The following ITGBL1 variants were observed in gnomAD, a reference collection of about 807,000 sequenced individuals.
The protein encoded by ITGBL1 is integrin subunit beta like 1, also known as integrin beta-like protein 1.
In ITGBL1, 51 loss-of-function variants were observed where a neutral mutation model predicts 68.5. That is an observed-to-expected ratio of 0.74 (90% CI 0.59 to 0.94). The LOEUF is 0.94. ITGBL1 is among the 40% of genes least tolerant of loss of function. The probability of loss-of-function intolerance (pLI) is 0.00; values close to 1 mark genes in which losing one functional copy is unlikely to be tolerated. For synonymous variants in ITGBL1, 209 were observed against 227.3 expected (o/e 0.92, Z 0.72); for missense variants, 649 against 647.4 (o/e 1.00, Z -0.03).
At chr13:101,542,509 G>T (rs1359988810) in intron 2 of ITGBL1, among the ~76,000 whole-genome samples, 1 of 152,154 alleles carries the variant, frequency 6.6e-6, no homozygotes, top group African/African-American at 2.4e-5. Flanking sequence ...GTGTGGTGTG[G>T]TGCTGAGAAT....
intron 7 of ITGBL1, among the ~76,000 whole-genome samples, chr13:101,672,897 C>A (rs2033412276): frequency 6.6e-6 from 1 of 152,198 alleles, no homozygotes; most frequent in South Asian, 2.1e-4. Context: ...TTGTAGGTTC[C>A]TCCAATCCAC....
At chr13:101,529,626 G>A (rs2049438894) in intron 2 of ITGBL1, among the ~76,000 whole-genome samples, 1 of 152,188 alleles carries the variant, frequency 6.6e-6, no homozygotes, top group Non-Finnish European at 1.5e-5. Flanking sequence ...CCCACGTGTT[G>A]AGGGAGAAAC....
At chr13:101,544,323 G>A (rs577157103) in intron 2 of ITGBL1, among the ~76,000 whole-genome samples, 1 of 152,352 alleles carries the variant, frequency 6.6e-6, no homozygotes, top group African/African-American at 2.4e-5. Flanking sequence ...GTCCACTCCA[G>A]ACCCTGTTTG....
intron 2 of ITGBL1, among the ~76,000 whole-genome samples, chr13:101,562,128 C>T (rs1312745895): frequency 1.3e-5 from 2 of 151,794 alleles, no homozygotes; most frequent in African/African-American, 4.8e-5. Flanking sequence ...TAAAGTGGTA[C>T]AATATTATTT....
chr13:101,638,332 G>A (rs150046633), intron 7 of ITGBL1, among the ~76,000 whole-genome samples: 1 of 152,086 alleles, frequency 6.6e-6, no homozygotes, highest in Admixed American at 6.6e-5. Flanking sequence ...TCAAAGGAAA[G>A]AGCATACCCT....
intron 7 of ITGBL1, among the ~76,000 whole-genome samples, chr13:101,689,617 C>CA (rs1347208082): frequency 2.6e-5 from 4 of 151,688 alleles, no homozygotes; most frequent in African/African-American, 4.8e-5. Context: ...AAAAAAAACC[C>CA]AAAAAAATAT....
intron 5 of ITGBL1, among the ~76,000 whole-genome samples, chr13:101,579,720 A>C (rs1347269460): frequency 6.6e-6 from 1 of 152,208 alleles, no homozygotes; most frequent in Non-Finnish European, 1.5e-5. Flanking sequence ...AGTGCAGCTA[A>C]AAGGCAATTC....
chr13:101,491,920 G>A (rs1177469552), intron 2 of ITGBL1, among the ~76,000 whole-genome samples: 2 of 152,072 alleles, frequency 1.3e-5, no homozygotes, highest in Non-Finnish European at 2.9e-5. Context: ...GCTGAGAATG[G>A]TGGTTTCCAC....
chr13:101,471,568 G>GTGTGTA, intron 2 of ITGBL1, among the ~76,000 whole-genome samples: 1 of 144,724 alleles, frequency 6.9e-6, no homozygotes, highest in South Asian at 2.3e-4. Context: ...GTGTGTGTGT[G>GTGTGTA]TATATATATT....
At chr13:101,595,004 T>C (rs2029881573) in intron 6 of ITGBL1, among the ~76,000 whole-genome samples, 1 of 152,078 alleles carries the variant, frequency 6.6e-6, no homozygotes, top group Non-Finnish European at 1.5e-5. Flanking sequence ...AACCTGGGAG[T>C]TGGAGATTGC....
At chr13:101,556,827 G>A (rs2050014986) in intron 2 of ITGBL1, among the ~76,000 whole-genome samples, 1 of 152,194 alleles carries the variant, frequency 6.6e-6, no homozygotes, top group African/African-American at 2.4e-5. Flanking sequence ...CCCTGGTCCT[G>A]TTCGCACCTT....
chr13:101,458,325 G>A (rs1191161191), intron 2 of ITGBL1, among the ~76,000 whole-genome samples: 1 of 152,204 alleles, frequency 6.6e-6, no homozygotes, highest in Non-Finnish European at 1.5e-5. Context: ...GGAATTCTGA[G>A]TAAGGAAAAT....
rs1401193652 is a variant in ITGBL1, at chr13:101,549,208, A to T, written c.317-18491A>T. Among the ~76,000 whole-genome samples, 4 of 152,078 alleles carry T rather than the reference A, an allele frequency of 2.6e-5. No homozygotes were observed. In the East Asian group the frequency reaches 7.7e-4, roughly 29 times the overall value. ...ACCTGTCTAGCCATATGGAAAAAAT[A>T]AATATGGACAGTAACCATATTTTAT... On this transcript the variant is annotated intron_variant, in intron 2 of 10. Coordinates refer to ENST00000376180, the MANE Select transcript of ITGBL1 (RefSeq NM_004791.3).
intron 2 of ITGBL1, among the ~76,000 whole-genome samples, chr13:101,512,294 C>G (rs2049128235): frequency 6.6e-6 from 1 of 152,044 alleles, no homozygotes; most frequent in Admixed American, 6.6e-5. Flanking sequence ...TATTCCCATT[C>G]TGGGTCCACT....
intron 7 of ITGBL1, among the ~76,000 whole-genome samples, chr13:101,651,937 C>G (rs983623021): frequency 3.3e-5 from 5 of 152,030 alleles, no homozygotes; most frequent in Non-Finnish European, 5.9e-5. Flanking sequence ...AGTTCTTTCC[C>G]CATTGCTTGT....
At chr13:101,589,779 T>C (rs905778595) in intron 6 of ITGBL1, among the ~76,000 whole-genome samples, 1 of 152,196 alleles carries the variant, frequency 6.6e-6, no homozygotes, top group Non-Finnish European at 1.5e-5. Context: ...TATATATTCT[T>C]CCCAGCTTTG....
At chr13:101,454,848 C>G (rs932990330) in intron 2 of ITGBL1, among the ~76,000 whole-genome samples, 2 of 152,174 alleles carry the variant, frequency 1.3e-5, no homozygotes, top group Admixed American at 6.5e-5. Flanking sequence ...TTGCATTGTT[C>G]TAGCTGCTTG....
rs544867239 is a variant in ITGBL1, at chr13:101,547,508, T to TA, written c.317-20184dup. ...AAGTATACAAAAAGAGTGTTGCAAA[T>TA]AAAAAAATCTTTATGCATGTAAATA... On this transcript the variant is annotated intron_variant, in intron 2 of 10. Coordinates refer to ENST00000376180, the MANE Select transcript of ITGBL1 (RefSeq NM_004791.3). Among the ~76,000 whole-genome samples, 192 of 151,710 alleles carry TA rather than the reference T, an allele frequency of 1.3e-3. 2 individuals carry two copies. The highest frequency in any genetic ancestry group is 1.9e-3 in the Non-Finnish European group (128 of 67,664).
intron 2 of ITGBL1, among the ~76,000 whole-genome samples, chr13:101,536,576 G>A (rs1053839744): frequency 6.6e-6 from 1 of 151,912 alleles, no homozygotes; most frequent in Non-Finnish European, 1.5e-5. Context: ...TGGTCTCCCT[G>A]TTCTAAATGT....
Sources: allele counts gnomAD v4.1 joint callset (sites outside exome capture counted in the v4.1 genomes callset), GRCh38; gene constraint gnomAD v4.1.1; transcripts MANE v1.5; gene names NCBI Gene and HGNC (gene_info 2026-07-23, HGNC 2026-07-21).